The following SPEF2 variants were observed in gnomAD, a reference collection of about 807,000 sequenced individuals.
SPEF2 encodes sperm flagella and cilia-associated protein 2.
SPEF2 carries 187 observed loss-of-function variants against 224.6 expected under a neutral mutation model. The observed-to-expected ratio is 0.83, with a 90% CI of 0.74 to 0.94. The LOEUF (loss-of-function observed/expected upper bound fraction) is 0.94. SPEF2 is among the 40% of genes least tolerant of loss of function. The pLI, the probability that SPEF2 is intolerant of heterozygous loss-of-function variation, is 0.00. For synonymous variants in SPEF2, 715 were observed against 707.3 expected, an observed-to-expected ratio of 1.01 and a Z score of -0.17; for missense variants, 2,170 against 2,135.6, an observed-to-expected ratio of 1.02 and a Z score of -0.32.
intron 10 of SPEF2, chr5:35,676,089 C>T: frequency 2.2e-6 from 1 of 445,948 alleles, no homozygotes; most frequent in South Asian, 1.6e-5. Context: ...AAAAAGTTGG[C>T]AGCCAGATAG....
chr5:35,641,828 A>G lies in SPEF2; in HGVS notation c.414+145A>G, dbSNP rs947839655. On this transcript the variant is annotated intron_variant, in intron 3 of 36. Coordinates refer to ENST00000356031, the MANE Select transcript of SPEF2 (RefSeq NM_024867.4). ...ACTGGCCATACTTGGGTTTTATTTT[A>G]TATTAATAATTTGAATTTATTTAGC... is the stretch of plus-strand genomic sequence containing the variant. The G allele has an allele frequency of 4.9e-6, 4 of 810,736 alleles. No homozygotes were observed. In the African/African-American group the frequency reaches 5.2e-5, roughly 11 times the overall value. 50.2% of individuals were successfully genotyped at this position (810,736 alleles called of 1,614,324 possible). A position where few individuals can be genotyped will look rare whatever the true frequency, so the allele number is the denominator to read the frequency against.
chr5:35,695,180 ATTTT>A (rs1755115225), intron 13 of SPEF2, among the ~76,000 whole-genome samples: 1 of 151,428 alleles, frequency 6.6e-6, no homozygotes. Context: ...ATTTTAGTTG[ATTTT>A]TAAAACTATT....
intron 7 of SPEF2, among the ~76,000 whole-genome samples, chr5:35,656,514 T>A (rs1238410576): frequency 1.3e-5 from 2 of 152,240 alleles, no homozygotes; most frequent in Non-Finnish European, 2.9e-5. Flanking sequence ...AAGTTAGTTT[T>A]AAAATACCTA....
At chr5:35,672,719 A>G (rs912186735) in intron 10 of SPEF2, among the ~76,000 whole-genome samples, 1 of 152,010 alleles carries the variant, frequency 6.6e-6, no homozygotes, top group Non-Finnish European at 1.5e-5. Context: ...AATGAACATT[A>G]TGTTCAAGCA....
chr5:35,770,904 G>T (rs1030040276), intron 26 of SPEF2, among the ~76,000 whole-genome samples: 2 of 152,090 alleles, frequency 1.3e-5, no homozygotes, highest in African/African-American at 4.8e-5. Context: ...GGGAAGCTAA[G>T]AACCTTGGGG....
At chr5:35,771,391 C>T (rs1158458553) in intron 26 of SPEF2, among the ~76,000 whole-genome samples, 1 of 152,108 alleles carries the variant, frequency 6.6e-6, no homozygotes, top group Non-Finnish European at 1.5e-5. Flanking sequence ...AGCGAGCAGC[C>T]TCCACATAGA....
intron 30 of SPEF2, chr5:35,787,937 C>A: frequency 3.2e-6 from 2 of 625,232 alleles, no homozygotes; most frequent in Non-Finnish European, 2.9e-6. Context: ...TGACCATTAT[C>A]TTCCAAAAAG....
At chr5:35,708,709 ACC>A (rs1740491936) in intron 18 of SPEF2, among the ~76,000 whole-genome samples, 2 of 143,762 alleles carry the variant, frequency 1.4e-5, no homozygotes, top group East Asian at 2.1e-4. Context: ...CACCACCACT[ACC>A]CATCAACATT....
intron 1 of SPEF2, among the ~76,000 whole-genome samples, chr5:35,626,557 A>G (rs1163932014): frequency 6.6e-6 from 1 of 152,170 alleles, no homozygotes; most frequent in African/African-American, 2.4e-5. Context: ...CAAAAAAAGC[A>G]TTGCTTCCCC....
intron 8 of SPEF2, among the ~76,000 whole-genome samples, chr5:35,666,600 T>A (rs942420784): frequency 1.3e-5 from 2 of 152,162 alleles, no homozygotes; most frequent in African/African-American, 4.8e-5. Flanking sequence ...ATTTTCTAAG[T>A]ATAAACCAGT....
intron 8 of SPEF2, among the ~76,000 whole-genome samples, chr5:35,666,026 T>G (rs1750417500): frequency 6.6e-6 from 1 of 152,130 alleles, no homozygotes; most frequent in Non-Finnish European, 1.5e-5. Flanking sequence ...GTTTGGTAAT[T>G]TTTTGGGGTA....
chr5:35,683,112 TGA>T (rs1205647097), intron 10 of SPEF2, among the ~76,000 whole-genome samples: 2 of 152,088 alleles, frequency 1.3e-5, no homozygotes, highest in African/African-American at 4.8e-5. Context: ...TAAAAAGATA[TGA>T]GAGACTGGAA....
intron 10 of SPEF2, among the ~76,000 whole-genome samples, chr5:35,686,703 C>A (rs1446079654): frequency 6.6e-6 from 1 of 151,996 alleles, no homozygotes; most frequent in Non-Finnish European, 1.5e-5. Context: ...ATCTGGATAT[C>A]TTTTATTACT....
intron 26 of SPEF2, 66 bp downstream of exon 26, chr5:35,763,768 T>C (rs1268365301): frequency 7.2e-7 from 1 of 1,391,870 alleles, no homozygotes. Context: ...GTTGGTAATA[T>C]GCTATAAGTG....
At chr5:35,623,657 T>C (rs936793109) in intron 1 of SPEF2, among the ~76,000 whole-genome samples, 3 of 152,238 alleles carry the variant, frequency 2.0e-5, no homozygotes, top group Non-Finnish European at 1.5e-5. Flanking sequence ...GGGGGAGTTA[T>C]AGCCTATCAG....
At chr5:35,753,275 C>T (rs1749954069) in intron 23 of SPEF2, among the ~76,000 whole-genome samples, 1 of 152,070 alleles carries the variant, frequency 6.6e-6, no homozygotes, top group Non-Finnish European at 1.5e-5. Context: ...CACCAATTGC[C>T]ATTTCCCCCC....
chr5:35,793,413 T>C, intron 32 of SPEF2, 72 bp downstream of exon 32: 3 of 1,456,562 alleles, frequency 2.1e-6, no homozygotes, highest in Non-Finnish European at 2.8e-6. Flanking sequence ...TACTCAATGA[T>C]GTTACATTGA....
At chr5:35,807,661 A>G in intron 36 of SPEF2, 2 of 1,536,094 alleles carry the variant, frequency 1.3e-6, no homozygotes, top group Non-Finnish European at 1.7e-6. Context: ...TATGTAGTGG[A>G]AATGATAGTG....
At chr5:35,654,460 G>A (rs187632211) in intron 6 of SPEF2, 80 bp from the exon 7 acceptor site, 20 of 1,160,778 alleles carry the variant, frequency 1.7e-5, no homozygotes, top group South Asian at 1.4e-4. Context: ...CTTCTCCTGA[G>A]GTCTTTCTCC....
Sources: allele counts gnomAD v4.1 joint callset (sites outside exome capture counted in the v4.1 genomes callset), GRCh38; gene constraint gnomAD v4.1.1; transcripts MANE v1.5; gene names NCBI Gene and HGNC (gene_info 2026-07-23, HGNC 2026-07-21).